Variants in RNF32 observed in about 807,000 individuals in gnomAD.
RNF32 encodes the protein ring finger protein 32.
RNF32 carries 36 observed loss-of-function variants against 41.0 expected under a neutral mutation model. The observed-to-expected ratio is 0.88, with a 90% CI of 0.67 to 1.16. The LOEUF (loss-of-function observed/expected upper bound fraction) is 1.16, where lower values mean the gene tolerates loss of function less well. RNF32 is among the 50% of genes most tolerant of loss of function. The pLI is 0.00. For synonymous variants in RNF32, 154 were observed against 160.9 expected, an observed-to-expected ratio of 0.96 and a Z score of 0.32; for missense variants, 413 against 436.7, an observed-to-expected ratio of 0.95 and a Z score of 0.48.
chr7:156,666,202 G>A (rs1369202199), intron 7 of RNF32, among the ~76,000 whole-genome samples: 1 of 152,180 alleles, frequency 6.6e-6, no homozygotes, highest in South Asian at 2.1e-4. Context: ...AGAGGGATAC[G>A]TTTTTAATAC....
At chr7:156,646,423 G>A (rs1356200442) in intron 3 of RNF32, 1 of 1,303,882 alleles carries the variant, frequency 7.7e-7, no homozygotes. Context: ...CTCTAGGTGT[G>A]ATTGTACTCT....
At chr7:156,663,485 G>A (rs1171648750) in intron 7 of RNF32, among the ~76,000 whole-genome samples, 1 of 152,082 alleles carries the variant, frequency 6.6e-6, no homozygotes, top group African/African-American at 2.4e-5. Flanking sequence ...TAAAATGACA[G>A]ACATTTTACA....
intron 7 of RNF32, among the ~76,000 whole-genome samples, chr7:156,665,592 A>T (rs976118605): frequency 1.3e-5 from 2 of 152,246 alleles, no homozygotes; most frequent in African/African-American, 4.8e-5. Flanking sequence ...TAACCTAAAA[A>T]AACTGAAATC....
At chr7:156,673,039 G>A (rs1309013473) in intron 7 of RNF32, among the ~76,000 whole-genome samples, 2 of 152,230 alleles carry the variant, frequency 1.3e-5, no homozygotes, top group African/African-American at 2.4e-5. Flanking sequence ...CAGATTCCCA[G>A]GAGCTGAGGC....
chr7:156,675,719 C>T lies in RNF32; in HGVS notation c.708C>T (p.Ile236=). Reference sequence around the variant, plus strand: ...AGTTCACAGAAATCAGCCACCGCATCCTGTGCTCATACAACACCAACATTG... The same window carrying T: ...AGTTCACAGAAATCAGCCACCGCATTCTGTGCTCATACAACACCAACATTG... The part of the protein sequence containing the change: ...EKKFTEISHR[I]LCSYNTNIEE... The change falls in exon 8 of 9, where the codon ATC becomes ATT. Residue 236 remains isoleucine (I), a synonymous_variant. Coordinates refer to ENST00000317955, the MANE Select transcript of RNF32 (RefSeq NM_030936.4). 6.2e-7 allele frequency: 1 copy of T among 1,607,166 alleles called. No homozygotes were observed. The highest frequency in any genetic ancestry group is 8.5e-7 in the Non-Finnish European group (1 of 1,173,828).
At chr7:156,672,085 T>C (rs538906878) in intron 7 of RNF32, among the ~76,000 whole-genome samples, 27 of 152,350 alleles carry the variant, frequency 1.8e-4, no homozygotes, top group African/African-American at 5.3e-4. Context: ...GTGATTCTTA[T>C]GTATATTAAA....
intron 3 of RNF32, among the ~76,000 whole-genome samples, chr7:156,650,685 A>G (rs537066536): frequency 6.6e-6 from 1 of 152,308 alleles, no homozygotes; most frequent in South Asian, 2.1e-4. Context: ...TCTGGATTGT[A>G]CAGCAAGTGC....
chr7:156,661,447 G>A (rs1800658094), intron 7 of RNF32, among the ~76,000 whole-genome samples: 1 of 152,004 alleles, frequency 6.6e-6, no homozygotes, highest in Non-Finnish European at 1.5e-5. Context: ...AACCTCTTGA[G>A]TAGCTGGGAT....
intron 7 of RNF32, among the ~76,000 whole-genome samples, chr7:156,664,367 A>G (rs954529792): frequency 6.6e-6 from 1 of 152,200 alleles, no homozygotes; most frequent in Non-Finnish European, 1.5e-5. Context: ...AGGCTGAGGC[A>G]GGAGAATAGC....
intron 4 of RNF32, among the ~76,000 whole-genome samples, chr7:156,655,909 A>G (rs1316951268): frequency 6.6e-6 from 1 of 152,218 alleles, no homozygotes; most frequent in African/African-American, 2.4e-5. Flanking sequence ...TGAAAAGTGA[A>G]AGTTACTATC....
chr7:156,645,495 G>A (rs1042501109), intron 3 of RNF32, among the ~76,000 whole-genome samples: 3 of 152,216 alleles, frequency 2.0e-5, no homozygotes, highest in Non-Finnish European at 4.4e-5. Flanking sequence ...GTCAACAGAA[G>A]CAAATGAAGA....
intron 3 of RNF32, among the ~76,000 whole-genome samples, chr7:156,645,751 A>G (rs1440147374): frequency 6.6e-6 from 1 of 152,234 alleles, no homozygotes. Flanking sequence ...TTCTTTTTGC[A>G]AGTGTGAATA....
At chr7:156,671,012 A>G (rs1232795902) in intron 7 of RNF32, among the ~76,000 whole-genome samples, 1 of 152,178 alleles carries the variant, frequency 6.6e-6, no homozygotes, top group Non-Finnish European at 1.5e-5. Flanking sequence ...GAGGAAAATT[A>G]AGTATGCTCA....
chr7:156,661,322 A>AT (rs112482414), intron 7 of RNF32, among the ~76,000 whole-genome samples: 63,273 of 144,158 alleles, frequency 0.44, 14,702 homozygotes, highest in African/African-American at 0.63. Context: ...GGGCCTTAGG[A>AT]TTTTTTTTTT....
chr7:156,644,563 A>C lies in RNF32; in HGVS notation c.80A>C (p.His27Pro). ...GTTGCTTTACAAGATCACATTTTAC[A>C]TGATCTTCAACTTCGAAATCTTTCA... The part of the protein sequence containing the change: ...NAVALQDHIL[H>P]DLQLRNLSVA... The change falls in exon 3 of 9, where the codon CAT (histidine) becomes CCT (proline). Residue 27 changes from histidine (H) to proline (P), a missense_variant. Transcript: ENST00000317955. 1.2e-6 allele frequency: 2 copies of C among 1,610,872 alleles called. No individual in the cohort carries two copies. Among genetic ancestry groups the C allele is most frequent in the Non-Finnish European group, 1.7e-6 (2 of 1,177,310 alleles).
Position 156,657,434 on chromosome 7 carries a change from T to A in RNF32, c.418-107T>A. On this transcript the variant is annotated intron_variant, in intron 4 of 8. Coordinates refer to ENST00000317955, the MANE Select transcript of RNF32 (RefSeq NM_030936.4). ...TATCAAAGTTATTAATTTGCTTTTT[T>A]AAAGAAATAATACAGCTTACCTTCT... 8 of 1,129,898 alleles carry A rather than the reference T, an allele frequency of 7.1e-6. No individual in the cohort carries two copies. The South Asian group carries it at 1.0e-4, about 14-fold the overall frequency. 70.0% of individuals were successfully genotyped at this position (1,129,898 alleles called of 1,614,324 possible). A position where few individuals can be genotyped will look rare whatever the true frequency, so the allele number is the denominator to read the frequency against.
chr7:156,658,993 T>G, intron 7 of RNF32: 1 of 1,495,318 alleles, frequency 6.7e-7, no homozygotes, highest in Non-Finnish European at 8.9e-7. Context: ...ATGCTACCAT[T>G]GTATTGAGTA....
In RNF32 at chr7:156,670,818, C is replaced by T. The variant is rs916622958; in HGVS notation, c.685-4878C>T. ...AAAAAGTGTGCCACTAGAACGTCTT[C>T]GTTAAAGGAAATTCTAAAGGATGCC... On this transcript the variant is annotated intron_variant, in intron 7 of 8. Transcript: ENST00000317955. This position sits in a 1 kb window ranked among gnomAD's most constrained non-coding sequence, Gnocchi z 4.3. Among the ~76,000 whole-genome samples the T allele has an allele frequency of 2.6e-5, 4 of 152,180 alleles. No homozygotes were observed. The highest frequency in any genetic ancestry group is 7.2e-5 in the African/African-American group (3 of 41,438).
intron 4 of RNF32, 185 bp from the exon 5 acceptor site, chr7:156,657,353 TTTG>T (rs1799858054): frequency 1.2e-5 from 7 of 588,082 alleles, no homozygotes; most frequent in South Asian, 1.1e-4. Flanking sequence ...ATCATGAATT[TTTG>T]TTATTTAGAG....
Sources: allele counts gnomAD v4.1 joint callset (sites outside exome capture counted in the v4.1 genomes callset), GRCh38; gene constraint gnomAD v4.1.1; non-coding constraint Gnocchi (gnomAD v3.1); transcripts MANE v1.5; gene names NCBI Gene and HGNC (gene_info 2026-07-23, HGNC 2026-07-21).